Variants in TJAP1 observed in about 807,000 individuals in gnomAD.
TJAP1 encodes tight junction associated protein 1, also known as tight junction-associated protein 1.
TJAP1 carries 27 observed loss-of-function variants against 42.0 expected under a neutral mutation model. The ratio of observed to expected loss-of-function variants is 0.64; its 90% CI spans 0.47 to 0.89. TJAP1 has a LOEUF of 0.89. TJAP1 is among the 40% of genes least tolerant of loss of function. The pLI is 0.00. For synonymous variants in TJAP1, 257 were observed against 288.4 expected (o/e 0.89, Z 1.10); for missense variants, 712 against 726.9 (o/e 0.98, Z 0.24).
intron 2 of TJAP1, among the ~76,000 whole-genome samples, chr6:43,485,102 G>T (rs1786171466): frequency 6.6e-6 from 1 of 152,236 alleles, no homozygotes; most frequent in Non-Finnish European, 1.5e-5. Context: ...GGTGAGGTTG[G>T]TGGTGGTGGA....
At position 43,505,088 on chromosome 6, in the gene TJAP1, G is replaced by T. The variant is rs750321535; in HGVS notation, c.907G>T (p.Glu303Ter). The T allele has an allele frequency of 3.1e-6, 5 of 1,614,134 alleles. No individual in the cohort carries two copies. In the Admixed American group the frequency reaches 8.3e-5, roughly 27 times the overall value. The change falls in exon 11 of 11, where the codon GAA becomes TAA. Residue 303 changes from glutamate (E) to a stop codon, truncating the protein, a stop_gained. Transcript: ENST00000372449. LOFTEE classifies it high-confidence loss of function. The surrounding 1 kb of genome is among the most constrained non-coding windows in gnomAD (Gnocchi z 5.5). ...GGGTACTGCCAGGGGCTCCCCGGAG[G>T]AAGAGCTGCCCCTGCCAGCCTTTGA... is the stretch of plus-strand genomic sequence containing the variant.
intron 2 of TJAP1, among the ~76,000 whole-genome samples, chr6:43,485,142 C>T (rs957910533): frequency 1.3e-5 from 2 of 152,256 alleles, no homozygotes; most frequent in Non-Finnish European, 2.9e-5. Context: ...TGGGGATAGA[C>T]AGAAAGCTGC....
Position 43,495,526 on chromosome 6 carries a change from T to C in TJAP1, c.-121-2355T>C, listed in dbSNP as rs1013964328. 2.0e-5 allele frequency among the ~76,000 whole-genome samples: 3 copies of C among 152,188 alleles called. No homozygotes were observed. The highest frequency in any genetic ancestry group is 4.8e-5 in the African/African-American group (2 of 41,436). On this transcript the variant is annotated intron_variant, in intron 2 of 10. Coordinates refer to ENST00000372449, the Ensembl canonical transcript of TJAP1. The surrounding 1 kb of genome is among the most constrained non-coding windows in gnomAD (Gnocchi z 4.6). The stretch of plus-strand genomic sequence containing the variant: ...CGCAGCCTGGTGTTGAGGAACACCA[T>C]GGGCCCCCTGGTGGATTGTCTTCCC...
rs1219812347 is a variant in TJAP1 at position 43,495,908 on chromosome 6, T to C, written c.-121-1973T>C. 6.6e-6 allele frequency among the ~76,000 whole-genome samples: 1 copy of C among 152,138 alleles called. No individual in the cohort carries two copies. Among genetic ancestry groups the C allele is most frequent in the South Asian group, 2.1e-4 (1 of 4,834 alleles). Reference sequence around the variant, plus strand: ...GAAGCAGCCTTCCCTACAGGATTGCTGGACACCCAAGTGCGTTTGTGTCCT... The same window carrying C: ...GAAGCAGCCTTCCCTACAGGATTGCCGGACACCCAAGTGCGTTTGTGTCCT... On this transcript the variant is annotated intron_variant, in intron 2 of 10. Coordinates refer to ENST00000372449, the Ensembl canonical transcript of TJAP1. The surrounding 1 kb of genome is among the most constrained non-coding windows in gnomAD (Gnocchi z 4.6).
intron 2 of TJAP1, among the ~76,000 whole-genome samples, chr6:43,493,626 C>T (rs940359575): frequency 1.3e-5 from 2 of 152,218 alleles, no homozygotes; most frequent in Admixed American, 1.3e-4. Context: ...TCTTCTGCAT[C>T]TCTGACTTTG....
intron 2 of TJAP1, among the ~76,000 whole-genome samples, chr6:43,486,430 A>C (rs573841817): frequency 7.2e-6 from 1 of 138,900 alleles, no homozygotes; most frequent in African/African-American, 2.8e-5. Flanking sequence ...ATCCCTGCTC[A>C]CTGCAACCTC....
intron 5 of TJAP1, 71 bp from the exon 6 acceptor site, chr6:43,501,455 C>T (rs1790496293): frequency 2.8e-6 from 4 of 1,442,480 alleles, no homozygotes; most frequent in Non-Finnish European, 2.8e-6. Context: ...CCTGAGCCCA[C>T]TCTGGAGCTC....
chr6:43,502,546 C>A, intron 7 of TJAP1, 42 bp from the exon 8 acceptor site: 1 of 1,551,042 alleles, frequency 6.4e-7, no homozygotes, highest in Non-Finnish European at 8.7e-7. Flanking sequence ...TTCCTCGTCT[C>A]CCCCTCATGC....
intron 5 of TJAP1, 96 bp from the exon 6 acceptor site, chr6:43,501,430 T>C: frequency 8.9e-7 from 1 of 1,128,260 alleles, no homozygotes; most frequent in Middle Eastern, 3.0e-4. Flanking sequence ...CCTGTCCTCA[T>C]GTCATCCCTT....
chr6:43,504,828 G>T (rs1402244086), exon 11 of TJAP1: 10 of 1,614,186 alleles, frequency 6.2e-6, no homozygotes, highest in Non-Finnish European at 6.8e-6. Flanking sequence ...GCCAGCCCAG[G>T]TCCTGCTCCC....
chr6:43,490,695 C>T (rs574980606), intron 2 of TJAP1, among the ~76,000 whole-genome samples: 2 of 152,252 alleles, frequency 1.3e-5, no homozygotes, highest in South Asian at 4.1e-4. Context: ...CATTGGTGAC[C>T]GTTGCTCTGG....
At position 43,501,707 on chromosome 6, in the gene TJAP1, G is replaced by GACACACACACACACACACACACACAC. The variant is rs70990192; in HGVS notation, c.290+47_290+72dup. On this transcript the variant is annotated intron_variant, in intron 6 of 10. Transcript: ENST00000372449. ...CCGCAGGTGTGGGAATGAGGGGCCA[G>GACACACACACACACACACACACACAC]ACACACACACACACACACACACACA... The GACACACACACACACACACACACACAC allele has an allele frequency of 1.9e-6, 1 of 516,412 alleles. No homozygotes were observed. The highest frequency in any genetic ancestry group is 2.7e-5 in the African/African-American group (1 of 36,418). The allele number at this position is 516,412 out of a possible 1,614,324, so 32.0% of individuals were successfully genotyped here.
chr6:43,479,486 T>A (rs1487740729), intron 2 of TJAP1, among the ~76,000 whole-genome samples: 1 of 152,168 alleles, frequency 6.6e-6, no homozygotes, highest in African/African-American at 2.4e-5. Context: ...TGAACACACA[T>A]AACAGTTAAT....
chr6:43,485,839 G>A (rs1786340309), intron 2 of TJAP1, among the ~76,000 whole-genome samples: 1 of 152,180 alleles, frequency 6.6e-6, no homozygotes, highest in Non-Finnish European at 1.5e-5. Context: ...CAGGAAGGAA[G>A]GTCCTGCATA....
intron 2 of TJAP1, among the ~76,000 whole-genome samples, chr6:43,481,464 A>T (rs1025478236): frequency 2.0e-5 from 3 of 150,876 alleles, no homozygotes; most frequent in Non-Finnish European, 4.4e-5. Flanking sequence ...TATAATTTTT[A>T]AAAAATAGCA....
At chr6:43,499,731 C>A (rs140670377) in intron 4 of TJAP1, among the ~76,000 whole-genome samples, 1 of 152,364 alleles carries the variant, frequency 6.6e-6, no homozygotes, top group East Asian at 1.9e-4. Context: ...GCAGCCATAT[C>A]TCCATCTGGT....
rs977037460 is a variant in TJAP1, at chr6:43,481,463, T to G, written c.-122+3231T>G. Among the ~76,000 whole-genome samples the G allele has an allele frequency of 2.0e-5, 3 of 146,676 alleles. No individual in the cohort carries two copies. The South Asian group carries it at 6.5e-4, about 32-fold the overall frequency. The stretch of plus-strand genomic sequence containing the variant: ...AAATTCATAGTCTGGATATAATTTT[T>G]AAAAAATAGCAAGACATCACCCCCC... On this transcript the variant is annotated intron_variant, in intron 2 of 10. Coordinates refer to ENST00000372449, the Ensembl canonical transcript of TJAP1.
intron 4 of TJAP1, 175 bp downstream of exon 4, chr6:43,499,275 C>T: frequency 1.1e-6 from 1 of 881,880 alleles, no homozygotes. Context: ...AATGTAGGCT[C>T]AAGGGGGACT....
At position 43,505,408 on chromosome 6, in the gene TJAP1, C is replaced by T. The variant is rs542203793; in HGVS notation, c.1227C>T (p.Asp409=). 2 of 1,612,334 alleles carry T rather than the reference C, an allele frequency of 1.2e-6. No individual in the cohort carries two copies. The highest frequency in any genetic ancestry group is 1.7e-6 in the Non-Finnish European group (2 of 1,179,986). Residue 409 remains aspartate (D), a synonymous_variant, in exon 11 of 11, where the codon GAC becomes GAT. Coordinates refer to ENST00000372449, the Ensembl canonical transcript of TJAP1. This position sits in a 1 kb window ranked among gnomAD's most constrained non-coding sequence, Gnocchi z 5.5. ...CTAGCTCTGCCAGCTCTGAAGAGGA[C>T]CTGCTGGTCAGCTGGCAGCGGGCAT...
Sources: gnomAD v4.1 joint callset for allele counts (sites outside exome capture counted in the v4.1 genomes callset) on GRCh38, gnomAD v4.1.1 for gene constraint, Gnocchi (gnomAD v3.1) non-coding constraint, MANE v1.5 for transcripts, NCBI Gene and HGNC (gene_info 2026-07-23, HGNC 2026-07-21) for gene names.